The following TRIM44 variants were observed in gnomAD, a reference collection of about 807,000 sequenced individuals.
TRIM44 encodes tripartite motif-containing protein 44.
Under a neutral mutation model 37.4 loss-of-function variants are expected in TRIM44, and 13 were observed. The observed-to-expected ratio is 0.35, with a 90% confidence interval of 0.23 to 0.55. TRIM44 has a LOEUF of 0.55. Ranked by LOEUF, TRIM44 falls within the 20% of genes least tolerant of loss-of-function variation. TRIM44 has a pLI of 0.89. For missense variants in TRIM44, 426 were observed against 437.2 expected, an observed-to-expected ratio of 0.97 and a Z score of 0.23; for synonymous variants, 175 against 157.2, an observed-to-expected ratio of 1.11 and a Z score of -0.85.
At chr11:35,750,075 A>T (rs1349873775) in intron 4 of TRIM44, among the ~76,000 whole-genome samples, 29 of 152,198 alleles carry the variant, frequency 1.9e-4, no homozygotes, top group Admixed American at 1.9e-3. Context: ...ACAGAAAAAC[A>T]GTGTGGCCAC....
chr11:35,719,221 C>A lies in TRIM44; in HGVS notation c.748-6703C>A, dbSNP rs2985415. On this transcript the variant is annotated intron_variant, in intron 2 of 4. Transcript: ENST00000299413. ...ACCGCAATGAATGAGATTTTCTGTT[C>A]TTCCACATCTTTGCCAGCATTTGAT... 3.4e-3 allele frequency among the ~76,000 whole-genome samples: 518 copies of A among 152,260 alleles called. 2 individuals are homozygous for A. The highest frequency in any genetic ancestry group is 0.012 in the African/African-American group (490 of 41,574).
intron 4 of TRIM44, among the ~76,000 whole-genome samples, chr11:35,763,423 G>A (rs1292831239): frequency 6.6e-6 from 1 of 152,180 alleles, no homozygotes; most frequent in Non-Finnish European, 1.5e-5. Context: ...CTGTATTTGA[G>A]GAATAAGGGA....
Position 35,762,345 on chromosome 11 carries a change from G to A in TRIM44, c.1007+26900G>A, listed in dbSNP as rs1355298997. ...AAGGAAATGATCTTTTACTTCAAAG[G>A]TTATATCCCTGTCAGACTTAAAGTT... On this transcript the variant is annotated intron_variant, in intron 4 of 4. Transcript: ENST00000299413. 3.3e-5 allele frequency among the ~76,000 whole-genome samples: 5 copies of A among 152,072 alleles called. No individual in the cohort carries two copies. The East Asian group carries it at 7.7e-4, about 23-fold the overall frequency.
intron 4 of TRIM44, among the ~76,000 whole-genome samples, chr11:35,801,269 A>AATCT (rs1358943023): frequency 1.3e-5 from 2 of 152,244 alleles, no homozygotes; most frequent in Admixed American, 6.5e-5. Flanking sequence ...GAGAATATTA[A>AATCT]ATCTATCTTT....
At chr11:35,704,814 G>A (rs9666366) in intron 2 of TRIM44, among the ~76,000 whole-genome samples, 113,435 of 152,172 alleles carry the variant, frequency 0.75, 43,394 homozygotes, top group African/African-American at 0.93. Flanking sequence ...ATCATGCCAA[G>A]TTGTAAAGAC....
At chr11:35,751,844 G>A (rs574904900) in intron 4 of TRIM44, among the ~76,000 whole-genome samples, 54 of 152,204 alleles carry the variant, frequency 3.5e-4, no homozygotes, top group African/African-American at 1.2e-3. Context: ...GGATGTGCAC[G>A]GACATCTCAT....
intron 4 of TRIM44, among the ~76,000 whole-genome samples, chr11:35,786,274 A>G (rs568426444): frequency 6.6e-6 from 1 of 152,346 alleles, no homozygotes; most frequent in African/African-American, 2.4e-5. Context: ...TGAGAAAACT[A>G]AAACTCAGGA....
At chr11:35,765,353 C>T in intron 4 of TRIM44, among the ~76,000 whole-genome samples, 1 of 152,058 alleles carries the variant, frequency 6.6e-6, no homozygotes, top group East Asian at 1.9e-4. Flanking sequence ...TATGAGAACC[C>T]ACATAGAGAA....
intron 2 of TRIM44, among the ~76,000 whole-genome samples, chr11:35,706,417 C>G (rs1335932314): frequency 1.3e-5 from 2 of 152,154 alleles, no homozygotes; most frequent in Non-Finnish European, 2.9e-5. Context: ...TTTTATGAGG[C>G]CAGCATCATC....
intron 1 of TRIM44, among the ~76,000 whole-genome samples, chr11:35,668,931 T>C (rs896309433): frequency 6.6e-6 from 1 of 152,234 alleles, no homozygotes; most frequent in Non-Finnish European, 1.5e-5. Context: ...TCTTTTTTTT[T>C]CATTCTGTAG....
At position 35,689,478 on chromosome 11, in the gene TRIM44, C is replaced by T. The variant is rs1851616615; in HGVS notation, c.747+4142C>T. 2.0e-5 allele frequency among the ~76,000 whole-genome samples: 3 copies of T among 152,154 alleles called. 1 individual carries two copies. Among genetic ancestry groups the T allele is most frequent in the African/African-American group, 7.2e-5 (3 of 41,436 alleles). On this transcript the variant is annotated intron_variant, in intron 2 of 4. Transcript: ENST00000299413. ...GTAGGAAATGGTCTTTTACATAATA[C>T]GCTGTCCTAATGTGTTTGACTTGGT...
At chr11:35,762,345 G>C (rs1355298997) in intron 4 of TRIM44, among the ~76,000 whole-genome samples, 2 of 152,072 alleles carry the variant, frequency 1.3e-5, no homozygotes, top group Non-Finnish European at 2.9e-5. Context: ...TACTTCAAAG[G>C]TTATATCCCT....
intron 4 of TRIM44, among the ~76,000 whole-genome samples, chr11:35,794,861 G>A (rs369100226): frequency 5.9e-5 from 9 of 152,326 alleles, no homozygotes; most frequent in Admixed American, 1.3e-4. Flanking sequence ...CTGGTGATAC[G>A]GCAGGGAACA....
chr11:35,725,828 T>C, intron 2 of TRIM44, 96 bp from the exon 3 acceptor site: 1 of 1,320,268 alleles, frequency 7.6e-7, no homozygotes, highest in Non-Finnish European at 1.0e-6. Flanking sequence ...ATAGGATCCA[T>C]GGTGTGTATT....
intron 2 of TRIM44, among the ~76,000 whole-genome samples, chr11:35,717,701 A>G (rs1049165460): frequency 2.0e-5 from 3 of 152,308 alleles, no homozygotes; most frequent in Non-Finnish European, 2.9e-5. Context: ...GAGAACCAGG[A>G]TTAGACCACT....
At chr11:35,721,430 A>G (rs1421868037) in intron 2 of TRIM44, among the ~76,000 whole-genome samples, 4 of 152,214 alleles carry the variant, frequency 2.6e-5, no homozygotes, top group Non-Finnish European at 5.9e-5. Context: ...TGAAAATAAT[A>G]ACAGTAACAA....
At chr11:35,710,274 A>T (rs556409024) in intron 2 of TRIM44, among the ~76,000 whole-genome samples, 1 of 152,266 alleles carries the variant, frequency 6.6e-6, no homozygotes, top group Non-Finnish European at 1.5e-5. Context: ...TTTGTATCCT[A>T]CCTTTTTCAC....
At chr11:35,765,108 T>C (rs1852779162) in intron 4 of TRIM44, among the ~76,000 whole-genome samples, 1 of 152,168 alleles carries the variant, frequency 6.6e-6, no homozygotes, top group Non-Finnish European at 1.5e-5. Context: ...GCCATTTGTG[T>C]GCATAGTTGC....
intron 2 of TRIM44, among the ~76,000 whole-genome samples, chr11:35,689,190 T>C (rs1222802042): frequency 6.6e-6 from 1 of 152,168 alleles, no homozygotes; most frequent in African/African-American, 2.4e-5. Context: ...CAAAGCTCCC[T>C]GCCATGGTTG....
Sources: gnomAD v4.1 joint callset for allele counts (sites outside exome capture counted in the v4.1 genomes callset) on GRCh38, gnomAD v4.1.1 for gene constraint, MANE v1.5 for transcripts, NCBI Gene and HGNC (gene_info 2026-07-23, HGNC 2026-07-21) for gene names.